The following RBM46 variants were observed in gnomAD, a reference collection of about 807,000 sequenced individuals.
The protein encoded by RBM46 is RNA binding motif protein 46.
In RBM46, 12 loss-of-function variants were observed where a neutral mutation model predicts 43.3. The ratio of observed to expected loss-of-function variants is 0.28; its 90% CI spans 0.18 to 0.45. RBM46 has a LOEUF of 0.45. Among genes scored for constraint, RBM46 ranks in the 20% least tolerant of loss-of-function variants. The probability of loss-of-function intolerance (pLI) is 1.00; values close to 1 mark genes in which losing one functional copy is unlikely to be tolerated. For synonymous variants in RBM46, 205 were observed against 207.6 expected (o/e 0.99, Z 0.11); for missense variants, 412 against 639.1 (o/e 0.64, Z 3.83).
At chr4:154,814,220 C>G (rs185510161) in intron 4 of RBM46, among the ~76,000 whole-genome samples, 43 of 152,122 alleles carry the variant, frequency 2.8e-4, no homozygotes, top group Admixed American at 1.3e-3. Flanking sequence ...TGACTCTGGT[C>G]TCTGAAGTTT....
chr4:154,812,664 T>C (rs1248187374), intron 4 of RBM46, among the ~76,000 whole-genome samples: 3 of 152,256 alleles, frequency 2.0e-5, no homozygotes, highest in Admixed American at 2.0e-4. Flanking sequence ...TGCTTTTTCA[T>C]TGTTACTTCC....
At chr4:154,813,541 A>G (rs932996262) in intron 4 of RBM46, among the ~76,000 whole-genome samples, 8 of 152,110 alleles carry the variant, frequency 5.3e-5, no homozygotes, top group Non-Finnish European at 2.9e-5. Flanking sequence ...ATAATGATTT[A>G]TGTGCAATTT....
chr4:154,824,889 G>A (rs1457988161), intron 4 of RBM46, among the ~76,000 whole-genome samples: 2 of 152,012 alleles, frequency 1.3e-5, no homozygotes, highest in Non-Finnish European at 2.9e-5. Context: ...AAGGTCTGTT[G>A]GCTGGAAAAG....
chr4:154,790,420 GC>G (rs1310234898), intron 1 of RBM46: 1 of 152,152 alleles, frequency 6.6e-6, no homozygotes, highest in Non-Finnish European at 1.5e-5. Flanking sequence ...GGGAATAGGA[GC>G]TTGCTCCATC....
chr4:154,824,480 T>G (rs1256219694), intron 4 of RBM46, among the ~76,000 whole-genome samples: 1 of 152,032 alleles, frequency 6.6e-6, no homozygotes, highest in African/African-American at 2.4e-5. Flanking sequence ...GATAATGAAA[T>G]TGAAGTATAT....
At chr4:154,786,278 G>C (rs1218935895) in intron 1 of RBM46, among the ~76,000 whole-genome samples, 1 of 151,810 alleles carries the variant, frequency 6.6e-6, no homozygotes, top group Non-Finnish European at 1.5e-5. Context: ...TAGTAGAGAT[G>C]GTGTTTCACC....
intron 4 of RBM46, among the ~76,000 whole-genome samples, chr4:154,807,401 A>T (rs961983412): frequency 6.6e-6 from 1 of 151,638 alleles, no homozygotes. Context: ...TCTTCAGCCT[A>T]TCATGCCCTT....
At position 154,798,988 on chromosome 4, in the gene RBM46, G is replaced by A. The variant is rs1734482051; in HGVS notation, c.826G>A (p.Val276Ile). The change falls in exon 4 of 5, where the codon GTT becomes ATT. Residue 276 changes from valine (V) to isoleucine (I), a missense_variant. By Grantham distance (29) the Val-to-Ile change is conservative. Transcript: ENST00000281722. ...AAAGAAACTTAGAGATTATGCTTTT[G>A]TTCACTTTTTCAACCGAGAAGATGC... is the stretch of plus-strand genomic sequence containing the variant. ...RVKKLRDYAFVHFFNREDAVA... is the reference protein window; with the variant it reads ...RVKKLRDYAFIHFFNREDAVA... 4 of 1,614,028 alleles carry A rather than the reference G, an allele frequency of 2.5e-6. No homozygotes were observed. The highest frequency in any genetic ancestry group is 3.4e-6 in the Non-Finnish European group (4 of 1,179,972).
Position 154,790,310 on chromosome 4 carries a change from T to C in RBM46, c.-11-6432T>C, listed in dbSNP as rs1043479076. On this transcript the variant is annotated intron_variant, in intron 1 of 4. Coordinates refer to ENST00000281722, the MANE Select transcript of RBM46 (RefSeq NM_144979.5). ...CCTGCTTTCTCTTGTGGGCATTTAG[T>C]GCTATAAAATTCCCTCTACACACTG... 7 of 152,316 alleles carry C rather than the reference T, an allele frequency of 4.6e-5. No homozygotes were observed. In the East Asian group the frequency reaches 1.3e-3, roughly 29 times the overall value. The allele number at this position is 152,316 out of a possible 1,614,324, so 9.4% of individuals were successfully genotyped here. A position where few individuals can be genotyped will look rare whatever the true frequency, so the allele number is the denominator to read the frequency against.
At chr4:154,824,674 A>G (rs1735873853) in intron 4 of RBM46, among the ~76,000 whole-genome samples, 1 of 150,140 alleles carries the variant, frequency 6.7e-6, no homozygotes, top group Non-Finnish European at 1.5e-5. Flanking sequence ...TTGTGAATGG[A>G]AAAAAAAAGC....
At chr4:154,820,913 T>G (rs1198385173) in intron 4 of RBM46, among the ~76,000 whole-genome samples, 1 of 151,826 alleles carries the variant, frequency 6.6e-6, no homozygotes, top group Non-Finnish European at 1.5e-5. Flanking sequence ...TCAAGATTAT[T>G]ACCTCACAAA....
intron 1 of RBM46, chr4:154,787,003 T>C (rs1049045241): frequency 6.6e-6 from 1 of 152,190 alleles, no homozygotes; most frequent in Non-Finnish European, 1.5e-5. Context: ...ATAGTACTTA[T>C]CATATTGAAA....
At chr4:154,813,835 C>G (rs575399337) in intron 4 of RBM46, among the ~76,000 whole-genome samples, 27 of 152,134 alleles carry the variant, frequency 1.8e-4, no homozygotes, top group Admixed American at 1.6e-3. Flanking sequence ...ATCCTGTGCA[C>G]TCAGTTATTT....
chr4:154,785,616 T>G (rs1378322940), intron 1 of RBM46, among the ~76,000 whole-genome samples: 1 of 152,126 alleles, frequency 6.6e-6, no homozygotes, highest in East Asian at 1.9e-4. Flanking sequence ...TCTCTCACTG[T>G]TTTTCCTGTA....
At chr4:154,827,177 T>C (rs1156229040) in intron 4 of RBM46, 1 of 904,698 alleles carries the variant, frequency 1.1e-6, no homozygotes, top group Admixed American at 6.0e-5. Context: ...AAATGTTATT[T>C]TTTAATAATT....
At chr4:154,792,950 T>C (rs1035139394) in intron 1 of RBM46, among the ~76,000 whole-genome samples, 2 of 152,346 alleles carry the variant, frequency 1.3e-5, no homozygotes, top group African/African-American at 4.8e-5. Context: ...CACATGCTCT[T>C]GATAATCACA....
At position 154,827,874 on chromosome 4, in the gene RBM46, A is replaced by G. The variant is rs559016263; in HGVS notation, c.1409A>G (p.Asn470Ser). The change falls in exon 5 of 5, where the codon AAT becomes AGT. Residue 470 changes from asparagine (N) to serine (S), a missense_variant. Physicochemically the swap from Asn to Ser is conservative, Grantham distance 46. This residue lies in a region of RBM46 where 149 missense variants were observed against 156.3 expected (regional missense o/e 0.95). Transcript: ENST00000281722. ...AQFTLLHLDY[N>S]FHRSSINSLS... Reference sequence around the variant, plus strand: ...TTCATGTATTTATTTACAGACTACAATTTCCATCGCAGCTCAATAAATAGT... The same window carrying G: ...TTCATGTATTTATTTACAGACTACAGTTTCCATCGCAGCTCAATAAATAGT... 45 of 1,613,848 alleles carry G rather than the reference A, an allele frequency of 2.8e-5. No homozygotes were observed. In the South Asian group the frequency reaches 2.9e-4, roughly 10 times the overall value.
intron 4 of RBM46, chr4:154,827,272 T>A: frequency 1.1e-6 from 1 of 938,006 alleles, no homozygotes; most frequent in Non-Finnish European, 1.3e-6. Flanking sequence ...TTTTGAAGTT[T>A]ATTTAATAAA....
intron 4 of RBM46, among the ~76,000 whole-genome samples, chr4:154,812,962 T>A (rs189259664): frequency 2.6e-5 from 4 of 152,332 alleles, no homozygotes; most frequent in African/African-American, 7.2e-5. Context: ...TCAATAATTT[T>A]TATATTTTTT....
Sources: gnomAD v4.1 joint callset for allele counts (sites outside exome capture counted in the v4.1 genomes callset) on GRCh38, gnomAD v4.1.1 for gene constraint, gnomAD v4.1.1 regional missense constraint, MANE v1.5 for transcripts, NCBI Gene and HGNC (gene_info 2026-07-23, HGNC 2026-07-21) for gene names.